Variants in PARD3B observed in about 807,000 individuals in gnomAD.
PARD3B encodes par-3 family cell polarity regulator beta.
PARD3B carries 103 observed loss-of-function variants against 130.2 expected under a neutral mutation model. The ratio of observed to expected loss-of-function variants is 0.79; its 90% CI spans 0.67 to 0.93. The LOEUF (loss-of-function observed/expected upper bound fraction) is 0.93, where lower values mean the gene tolerates loss of function less well. Among genes scored for constraint, PARD3B ranks in the 40% least tolerant of loss-of-function variants. PARD3B has a pLI of 0.00. For missense variants in PARD3B, 1,609 were observed against 1,499.2 expected, an observed-to-expected ratio of 1.07 and a Z score of -1.21; for synonymous variants, 583 against 553.2, an observed-to-expected ratio of 1.05 and a Z score of -0.76.
rs562047072 is a variant in PARD3B, at chr2:205,498,293, G to A, written c.3045-1603G>A. On this transcript the variant is annotated intron_variant, in intron 20 of 22. Transcript: ENST00000406610. The stretch of plus-strand genomic sequence containing the variant: ...GAGGCGAGTGGATCACCTGAGGTCA[G>A]GAGTTCAAGACCAGCCAGATCAATG... Among the ~76,000 whole-genome samples, 275 of 151,760 alleles carry A rather than the reference G, an allele frequency of 1.8e-3. 1 individual carries two copies. Among genetic ancestry groups the A allele is most frequent in the African/African-American group, 5.9e-3 (245 of 41,402 alleles).
chr2:204,950,987 A>AT (rs1689720307), intron 2 of PARD3B, among the ~76,000 whole-genome samples: 1 of 152,124 alleles, frequency 6.6e-6, no homozygotes, highest in Non-Finnish European at 1.5e-5. Flanking sequence ...GGGACTAGAG[A>AT]TTTTATATCC....
intron 15 of PARD3B, among the ~76,000 whole-genome samples, chr2:205,203,937 G>C (rs1479640636): frequency 5.3e-5 from 8 of 152,170 alleles, no homozygotes. Context: ...CTTCAGAGTA[G>C]CATGATTTAT....
At position 205,183,366 on chromosome 2, in the gene PARD3B, G is replaced by A. The variant is rs1190319141; in HGVS notation, c.1925-2398G>A. ...ATCACTGTGGAAGATGGACTGAGAG[G>A]TTGAGGATAGAAGATGAGAGCCAAC... On this transcript the variant is annotated intron_variant, in intron 13 of 22. Transcript: ENST00000406610. This position sits in a 1 kb window ranked among gnomAD's most constrained non-coding sequence, Gnocchi z 5.2. Among the ~76,000 whole-genome samples the A allele has an allele frequency of 6.6e-6, 1 of 152,120 alleles. No individual in the cohort carries two copies. Among genetic ancestry groups the A allele is most frequent in the Non-Finnish European group, 1.5e-5 (1 of 68,020 alleles).
At position 205,575,783 on chromosome 2, in the gene PARD3B, A is replaced by G. The variant is rs542415483; in HGVS notation, c.3260+22380A>G. On this transcript the variant is annotated intron_variant, in intron 22 of 22. Transcript: ENST00000406610. This position sits in a 1 kb window ranked among gnomAD's most constrained non-coding sequence, Gnocchi z 4.6. ...TTGATTCATTCACTTACTAAAGGAC[A>G]TCTTGGTTGCCTCCAGGTTTTGACC... Among the ~76,000 whole-genome samples the G allele has an allele frequency of 6.6e-6, 1 of 152,288 alleles. No individual in the cohort carries two copies. Among genetic ancestry groups the G allele is most frequent in the East Asian group, 1.9e-4 (1 of 5,184 alleles).
chr2:205,047,621 A>C lies in PARD3B; in HGVS notation c.435A>C (p.Pro145=). ...LLVRRSSDPV[P]GPPADTQPSA... Reference sequence around the variant, plus strand: ...TGAGGAGAAGCAGTGACCCAGTGCCAGGCCCACCTGCTGATACCCAGCCAA... The same window carrying C: ...TGAGGAGAAGCAGTGACCCAGTGCCCGGCCCACCTGCTGATACCCAGCCAA... The change falls in exon 4 of 23, where the codon CCA becomes CCC. Residue 145 remains proline (P), a synonymous_variant. Transcript: ENST00000406610. The C allele has an allele frequency of 6.4e-7, 1 of 1,550,706 alleles. No individual in the cohort carries two copies. Among genetic ancestry groups the C allele is most frequent in the Non-Finnish European group, 8.7e-7 (1 of 1,146,914 alleles).
intron 4 of PARD3B, among the ~76,000 whole-genome samples, chr2:205,086,431 T>G (rs1411581134): frequency 1.3e-5 from 2 of 152,156 alleles, no homozygotes; most frequent in Non-Finnish European, 2.9e-5. Flanking sequence ...GTGGGAGCAA[T>G]TACAAAGGTC....
At chr2:204,822,975 G>A (rs2043424774) in intron 2 of PARD3B, among the ~76,000 whole-genome samples, 2 of 152,124 alleles carry the variant, frequency 1.3e-5, no homozygotes, top group Non-Finnish European at 2.9e-5. Flanking sequence ...CCTAAGGAAT[G>A]GCACTAATCA....
At chr2:204,629,111 C>T (rs1177870525) in intron 1 of PARD3B, among the ~76,000 whole-genome samples, 1 of 152,132 alleles carries the variant, frequency 6.6e-6, no homozygotes, top group Non-Finnish European at 1.5e-5. Flanking sequence ...AAGTTGGACA[C>T]TGTCCAAAGC....
intron 2 of PARD3B, among the ~76,000 whole-genome samples, chr2:204,902,550 T>C (rs1374994198): frequency 6.6e-6 from 1 of 151,058 alleles, no homozygotes; most frequent in African/African-American, 2.4e-5. Flanking sequence ...GCGCCTGCAG[T>C]CCCAGCTGCT....
intron 2 of PARD3B, among the ~76,000 whole-genome samples, chr2:204,817,637 C>A (rs1299824011): frequency 6.6e-6 from 1 of 152,098 alleles, no homozygotes; most frequent in African/African-American, 2.4e-5. Flanking sequence ...CTCTGCAGAT[C>A]TCTGGAGTTA....
chr2:204,579,047 C>T (rs1009947965), intron 1 of PARD3B, among the ~76,000 whole-genome samples: 1 of 151,744 alleles, frequency 6.6e-6, no homozygotes, highest in East Asian at 2.0e-4. Context: ...TGAGTTGTCC[C>T]GGTTGAGAAC....
At chr2:204,936,465 C>T (rs2125790399) in intron 2 of PARD3B, among the ~76,000 whole-genome samples, 1 of 152,210 alleles carries the variant, frequency 6.6e-6, no homozygotes, top group Admixed American at 6.5e-5. Context: ...GCATTTTTTT[C>T]CCTCTTGCTT....
intron 16 of PARD3B, among the ~76,000 whole-genome samples, chr2:205,298,696 AT>A (rs2041881612): frequency 6.6e-6 from 1 of 152,126 alleles, no homozygotes; most frequent in African/African-American, 2.4e-5. Flanking sequence ...GCAACATCCA[AT>A]TTTTGCAGTT....
intron 18 of PARD3B, among the ~76,000 whole-genome samples, chr2:205,354,707 C>G (rs2044130284): frequency 6.6e-6 from 1 of 152,048 alleles, no homozygotes; most frequent in East Asian, 1.9e-4. Flanking sequence ...AAGGTGTATC[C>G]CAGAGATTAC....
At chr2:204,618,930 A>G (rs1470892573) in intron 1 of PARD3B, among the ~76,000 whole-genome samples, 1 of 152,112 alleles carries the variant, frequency 6.6e-6, no homozygotes. Flanking sequence ...TGGTAGTTAC[A>G]TAATAAATAT....
At chr2:205,483,979 G>T (rs1276934473) in intron 20 of PARD3B, among the ~76,000 whole-genome samples, 1 of 152,042 alleles carries the variant, frequency 6.6e-6, no homozygotes, top group African/African-American at 2.4e-5. Flanking sequence ...TTCCTCGCCT[G>T]TACTTCCTAA....
At chr2:205,448,816 G>A (rs920199473) in intron 20 of PARD3B, among the ~76,000 whole-genome samples, 6 of 152,068 alleles carry the variant, frequency 3.9e-5, no homozygotes, top group South Asian at 2.1e-4. Flanking sequence ...TAGTGATAAC[G>A]AGGTACACCA....
At chr2:204,662,074 A>G (rs551182100) in intron 1 of PARD3B, among the ~76,000 whole-genome samples, 78 of 152,344 alleles carry the variant, frequency 5.1e-4, no homozygotes, top group African/African-American at 1.8e-3. Flanking sequence ...TCTGTACTGT[A>G]AAATACACTG....
intron 2 of PARD3B, among the ~76,000 whole-genome samples, chr2:204,790,342 C>G (rs534655639): frequency 6.6e-6 from 1 of 152,308 alleles, no homozygotes; most frequent in African/African-American, 2.4e-5. Flanking sequence ...CTAACTGTTT[C>G]ATGAAGAGGG....
Sources: allele counts gnomAD v4.1 joint callset (sites outside exome capture counted in the v4.1 genomes callset), GRCh38; gene constraint gnomAD v4.1.1; non-coding constraint Gnocchi (gnomAD v3.1); transcripts MANE v1.5; gene names NCBI Gene and HGNC (gene_info 2026-07-23, HGNC 2026-07-21).